The following BANK1 variants were observed in gnomAD, a reference collection of about 807,000 sequenced individuals.
BANK1 encodes the protein B-cell scaffold protein with ankyrin repeats.
A neutral mutation model predicts 94.5 loss-of-function variants in BANK1; 95 were observed. The ratio of observed to expected loss-of-function variants is 1.00; its 90% CI spans 0.85 to 1.19. The LOEUF is 1.19. Ranked by LOEUF, BANK1 falls within the 50% of genes most tolerant of loss-of-function variation. BANK1 has a pLI of 0.00. For synonymous variants in BANK1, 334 were observed against 308.4 expected (o/e 1.08, Z -0.87); for missense variants, 987 against 932.2 (o/e 1.06, Z -0.77).
At chr4:101,887,454 T>C (rs375927720) in intron 5 of BANK1, among the ~76,000 whole-genome samples, 20 of 152,342 alleles carry the variant, frequency 1.3e-4, no homozygotes, top group African/African-American at 4.8e-4. Flanking sequence ...TCATGAGTTT[T>C]TGTATCTAAG....
intron 11 of BANK1, among the ~76,000 whole-genome samples, chr4:102,048,072 T>A (rs1727941117): frequency 6.6e-6 from 1 of 152,182 alleles, no homozygotes; most frequent in Admixed American, 6.5e-5. Context: ...GATACTAACA[T>A]TTTAATCATA....
intron 11 of BANK1, among the ~76,000 whole-genome samples, chr4:102,047,518 A>G (rs1578478167): frequency 6.6e-6 from 1 of 152,152 alleles, no homozygotes; most frequent in African/African-American, 2.4e-5. Context: ...TCATTGTACA[A>G]TTAGGATCAG....
intron 11 of BANK1, among the ~76,000 whole-genome samples, chr4:102,045,726 A>G (rs1458892744): frequency 1.3e-5 from 2 of 151,324 alleles, no homozygotes; most frequent in Non-Finnish European, 3.0e-5. Context: ...CTAGGAATCC[A>G]ACTTACAAGG....
intron 7 of BANK1, among the ~76,000 whole-genome samples, chr4:101,938,127 T>C (rs1363974244): frequency 1.3e-5 from 2 of 151,748 alleles, no homozygotes; most frequent in Non-Finnish European, 2.9e-5. Context: ...TTAGGAGGAA[T>C]ACCTAATGTA....
intron 7 of BANK1, among the ~76,000 whole-genome samples, chr4:101,929,437 T>G (rs1301132456): frequency 6.6e-6 from 1 of 151,652 alleles, no homozygotes; most frequent in Non-Finnish European, 1.5e-5. Context: ...TTAAACACTT[T>G]GAAAGTGAAT....
At chr4:101,825,802 G>T (rs1334757441) in intron 1 of BANK1, among the ~76,000 whole-genome samples, 2 of 152,006 alleles carry the variant, frequency 1.3e-5, no homozygotes, top group Non-Finnish European at 1.5e-5. Flanking sequence ...TTTGAGAATT[G>T]TCATATGAGG....
At chr4:102,021,750 C>T (rs1244896603) in intron 8 of BANK1, among the ~76,000 whole-genome samples, 158 bp downstream of exon 8, 1 of 152,004 alleles carries the variant, frequency 6.6e-6, no homozygotes, top group Non-Finnish European at 1.5e-5. Context: ...AGAGACACTA[C>T]TACATCATAT....
chr4:101,814,390 T>A (rs149537907), intron 1 of BANK1, among the ~76,000 whole-genome samples: 408 of 152,316 alleles, frequency 2.7e-3, no homozygotes, highest in African/African-American at 9.3e-3. Context: ...CACCATCTTG[T>A]GTTCTGGAAA....
chr4:102,024,530 G>A (rs760126934), intron 8 of BANK1, among the ~76,000 whole-genome samples: 1 of 152,004 alleles, frequency 6.6e-6, no homozygotes, highest in Admixed American at 6.6e-5. Flanking sequence ...TCAGAGTAGA[G>A]GGAATTTGGA....
chr4:102,007,494 A>T lies in BANK1; in HGVS notation c.1207-14020A>T, dbSNP rs1406223387. Among the ~76,000 whole-genome samples the T allele has an allele frequency of 2.0e-5, 3 of 152,134 alleles. No homozygotes were observed. In the East Asian group the frequency reaches 5.8e-4, roughly 29 times the overall value. On this transcript the variant is annotated intron_variant, in intron 7 of 16. Coordinates refer to ENST00000322953, the MANE Select transcript of BANK1 (RefSeq NM_017935.5). ...AGAAAGAAAGGATATGAAATTTGCT[A>T]TGTTAATAGGGGGCCAGGGAAACAA... is the stretch of plus-strand genomic sequence containing the variant.
chr4:101,803,605 G>A (rs1436239277), intron 1 of BANK1, among the ~76,000 whole-genome samples: 1 of 152,062 alleles, frequency 6.6e-6, no homozygotes, highest in African/African-American at 2.4e-5. Flanking sequence ...AACTTCATGG[G>A]TCTACTTATA....
At chr4:102,022,123 C>T (rs1036570177) in intron 8 of BANK1, among the ~76,000 whole-genome samples, 8 of 151,658 alleles carry the variant, frequency 5.3e-5, no homozygotes, top group Non-Finnish European at 1.0e-4. Context: ...TATATATACG[C>T]GTTTATATGT....
intron 7 of BANK1, among the ~76,000 whole-genome samples, chr4:101,987,890 T>C (rs1725569895): frequency 6.6e-6 from 1 of 152,218 alleles, no homozygotes; most frequent in Admixed American, 6.5e-5. Context: ...AGCAGTCATG[T>C]GCGTTGCCTG....
chr4:101,835,212 A>G (rs1726777108), intron 2 of BANK1, among the ~76,000 whole-genome samples: 1 of 152,212 alleles, frequency 6.6e-6, no homozygotes, highest in Non-Finnish European at 1.5e-5. Context: ...AAATAAGCTG[A>G]TCTGAAATTG....
At chr4:101,851,232 T>G (rs1457537901) in intron 2 of BANK1, among the ~76,000 whole-genome samples, 8 of 152,180 alleles carry the variant, frequency 5.3e-5, no homozygotes, top group Non-Finnish European at 1.2e-4. Flanking sequence ...ATTGCTGATG[T>G]GGAGAAAGTT....
At chr4:101,946,033 C>T (rs934295185) in intron 7 of BANK1, among the ~76,000 whole-genome samples, 125 of 152,070 alleles carry the variant, frequency 8.2e-4, no homozygotes, top group African/African-American at 3.0e-3. Context: ...GTAGAAAATT[C>T]ATCTCTCAGA....
rs538417382 is a variant in BANK1, at chr4:101,870,500, A to G, written c.764-5A>G. ...TGCCCCTAACCCTTGTTTGTTTTTC[A>G]TAAGAGTTTCCTGCTGGTTCAGTCC... On this transcript the variant is annotated splice_region_variant and splice_polypyrimidine_tract_variant and intron_variant, in intron 4 of 16. Coordinates refer to ENST00000322953, the MANE Select transcript of BANK1 (RefSeq NM_017935.5). 7.5e-5 allele frequency: 121 copies of G among 1,609,370 alleles called. No individual in the cohort carries two copies. Among genetic ancestry groups the G allele is most frequent in the Admixed American group, 1.0e-4 (6 of 59,044 alleles).
chr4:101,820,179 T>C (rs1726085440), intron 1 of BANK1, among the ~76,000 whole-genome samples: 1 of 152,224 alleles, frequency 6.6e-6, no homozygotes, highest in Non-Finnish European at 1.5e-5. Flanking sequence ...ACAACCATAT[T>C]GATAAATTCA....
intron 5 of BANK1, among the ~76,000 whole-genome samples, chr4:101,877,147 A>T (rs1728519731): frequency 6.6e-6 from 1 of 152,322 alleles, no homozygotes; most frequent in East Asian, 1.9e-4. Context: ...CAAAGGGGTA[A>T]TAACAGATAA....
Sources: gnomAD v4.1 joint callset for allele counts (sites outside exome capture counted in the v4.1 genomes callset) on GRCh38, gnomAD v4.1.1 for gene constraint, MANE v1.5 for transcripts, NCBI Gene and HGNC (gene_info 2026-07-23, HGNC 2026-07-21) for gene names.